Variants in KCNIP4 observed in about 807,000 individuals in gnomAD.
KCNIP4 encodes Kv channel-interacting protein 4.
In KCNIP4, 12 loss-of-function variants were observed where a neutral mutation model predicts 34.0. The observed-to-expected ratio is 0.35, with a 90% CI of 0.23 to 0.57. The LOEUF (loss-of-function observed/expected upper bound fraction) is 0.57. Among genes scored for constraint, KCNIP4 ranks in the 20% least tolerant of loss-of-function variants. The pLI is 0.83. For synonymous variants in KCNIP4, 124 were observed against 102.2 expected (o/e 1.21, Z -1.29); for missense variants, 238 against 311.7 (o/e 0.76, Z 1.78).
intron 1 of KCNIP4, among the ~76,000 whole-genome samples, chr4:21,221,102 G>A (rs1386811984): frequency 6.6e-6 from 1 of 152,062 alleles, no homozygotes; most frequent in Non-Finnish European, 1.5e-5. Flanking sequence ...TGCTCCTTAG[G>A]CCTCCAGTGG....
intron 3 of KCNIP4, among the ~76,000 whole-genome samples, chr4:20,848,586 A>G (rs1021810168): frequency 2.0e-5 from 3 of 152,194 alleles, no homozygotes; most frequent in South Asian, 2.1e-4. Flanking sequence ...CATGCTGCAG[A>G]GATGCTGGCT....
At chr4:20,946,416 T>G (rs920995084) in intron 1 of KCNIP4, among the ~76,000 whole-genome samples, 12 of 151,908 alleles carry the variant, frequency 7.9e-5, no homozygotes, top group African/African-American at 2.9e-4. Context: ...GGTCAGATGG[T>G]GGTGAGCAAA....
chr4:21,518,469 G>A (rs375270991), intron 1 of KCNIP4, among the ~76,000 whole-genome samples: 3 of 152,070 alleles, frequency 2.0e-5, no homozygotes, highest in East Asian at 1.9e-4. Context: ...GAGATGCAGC[G>A]GGTGAAGGTG....
At chr4:21,124,325 T>C (rs989077144) in intron 1 of KCNIP4, among the ~76,000 whole-genome samples, 33 of 152,150 alleles carry the variant, frequency 2.2e-4, no homozygotes, top group African/African-American at 7.5e-4. Context: ...GTCTCAGAGA[T>C]CCCTGGGGGT....
intron 1 of KCNIP4, among the ~76,000 whole-genome samples, chr4:21,377,559 G>A (rs977696978): frequency 2.0e-5 from 3 of 152,168 alleles, no homozygotes; most frequent in Non-Finnish European, 4.4e-5. Context: ...TTGTATAGGG[G>A]ATCTGCTGTG....
intron 1 of KCNIP4, among the ~76,000 whole-genome samples, chr4:21,367,273 C>T (rs1293463675): frequency 6.6e-6 from 1 of 152,126 alleles, no homozygotes; most frequent in Non-Finnish European, 1.5e-5. Flanking sequence ...TACCTTTTGA[C>T]CAAATTAACA....
intron 1 of KCNIP4, chr4:20,983,870 A>G (rs906711280): frequency 6.5e-7 from 1 of 1,536,290 alleles, no homozygotes; most frequent in Non-Finnish European, 8.7e-7. Context: ...TGCACATATA[A>G]TCACAACAAT....
intron 3 of KCNIP4, among the ~76,000 whole-genome samples, chr4:20,845,639 C>A (rs530451982): frequency 3.0e-4 from 46 of 152,268 alleles, no homozygotes; most frequent in South Asian, 6.2e-4. Context: ...AGATGCCACA[C>A]CCATGACTGT....
chr4:21,505,731 A>C (rs1733793787), intron 1 of KCNIP4, among the ~76,000 whole-genome samples: 1 of 152,172 alleles, frequency 6.6e-6, no homozygotes, highest in Admixed American at 6.6e-5. Context: ...AAGGCTAAAA[A>C]ATCAATGACC....
chr4:21,661,123 C>T (rs78776753), intron 1 of KCNIP4, among the ~76,000 whole-genome samples: 12 of 152,232 alleles, frequency 7.9e-5, no homozygotes, highest in South Asian at 2.1e-4. Flanking sequence ...TCTTCTGGGA[C>T]GACAGGCAAG....
chr4:21,809,345 C>T (rs377080205), intron 1 of KCNIP4, among the ~76,000 whole-genome samples: 2 of 152,148 alleles, frequency 1.3e-5, no homozygotes, highest in East Asian at 1.9e-4. Flanking sequence ...ACCCCAGTGC[C>T]GCTAACCCCT....
intron 1 of KCNIP4, among the ~76,000 whole-genome samples, chr4:21,521,521 A>T (rs182943928): frequency 1.1e-3 from 167 of 152,212 alleles, no homozygotes; most frequent in Middle Eastern, 3.4e-3. Context: ...GTTCCCTAGG[A>T]CTACTTGCCA....
At chr4:21,444,072 C>A (rs563268910) in intron 1 of KCNIP4, among the ~76,000 whole-genome samples, 1 of 152,090 alleles carries the variant, frequency 6.6e-6, no homozygotes, top group East Asian at 1.9e-4. Flanking sequence ...AAGACTAAAC[C>A]AGGAAGAAGT....
chr4:21,644,129 T>C (rs35792460), intron 1 of KCNIP4, among the ~76,000 whole-genome samples: 8,798 of 152,226 alleles, frequency 0.058, 309 homozygotes, highest in Middle Eastern at 0.12. Context: ...ATTGTAATCC[T>C]TTCATTTCAC....
chr4:21,936,101 A>C (rs1228878398), intron 1 of KCNIP4, among the ~76,000 whole-genome samples: 1 of 152,056 alleles, frequency 6.6e-6, no homozygotes. Context: ...TATGAAGGAA[A>C]GTAAAGCAGG....
chr4:21,411,640 C>T (rs1488452726), intron 1 of KCNIP4, among the ~76,000 whole-genome samples: 1 of 152,020 alleles, frequency 6.6e-6, no homozygotes, highest in East Asian at 1.9e-4. Context: ...CATGGCAAAA[C>T]TCCATCTGTC....
At position 20,942,823 on chromosome 4, in the gene KCNIP4, C is replaced by G. The variant is rs527314814; in HGVS notation, c.62-60114G>C. On this transcript the variant is annotated intron_variant, in intron 1 of 8. Coordinates refer to ENST00000382152, the MANE Select transcript of KCNIP4 (RefSeq NM_025221.6). ...AGTAGCTGGGATTACAGGCGCACAC[C>G]ACCATGCCCAGCTAATTTTTGTATT... Among the ~76,000 whole-genome samples the G allele has an allele frequency of 1.8e-4, 27 of 152,132 alleles. No individual in the cohort carries two copies. The South Asian group carries it at 5.4e-3, about 30-fold the overall frequency.
intron 3 of KCNIP4, among the ~76,000 whole-genome samples, chr4:20,761,157 T>C (rs967404028): frequency 5.9e-5 from 9 of 152,094 alleles, no homozygotes; most frequent in African/African-American, 1.7e-4. Flanking sequence ...TAATATTGGC[T>C]TCCCTTGTTC....
At chr4:21,354,196 G>A (rs993835178) in intron 1 of KCNIP4, among the ~76,000 whole-genome samples, 1 of 152,238 alleles carries the variant, frequency 6.6e-6, no homozygotes, top group African/African-American at 2.4e-5. Flanking sequence ...GCAAAAACAT[G>A]CCAAATTGTA....
Sources: allele counts gnomAD v4.1 joint callset (sites outside exome capture counted in the v4.1 genomes callset), GRCh38; gene constraint gnomAD v4.1.1; transcripts MANE v1.5; gene names NCBI Gene and HGNC (gene_info 2026-07-23, HGNC 2026-07-21).